NSUN7: variants seen among roughly 807,000 people sequenced by gnomAD.
The protein encoded by NSUN7 is NOP2/Sun RNA methyltransferase family member 7.
In NSUN7, 39 loss-of-function variants were observed where a neutral mutation model predicts 58.5. That is an observed-to-expected ratio of 0.67 (90% CI 0.52 to 0.87). The LOEUF (loss-of-function observed/expected upper bound fraction) is 0.87, where lower values mean the gene tolerates loss of function less well. NSUN7 is among the 40% of genes least tolerant of loss of function. The pLI, the probability that NSUN7 is intolerant of heterozygous loss-of-function variation, is 0.00. For missense variants in NSUN7, 765 were observed against 844.1 expected, an observed-to-expected ratio of 0.91 and a Z score of 1.16; for synonymous variants, 278 against 303.7, an observed-to-expected ratio of 0.92 and a Z score of 0.88.
At chr4:40,750,532 C>T (rs1041655143) in intron 1 of NSUN7, 71 bp from the exon 2 acceptor site, 3 of 764,890 alleles carry the variant, frequency 3.9e-6, no homozygotes, top group South Asian at 1.9e-5. Flanking sequence ...TTTAAGGCCA[C>T]AACGAAGGGG....
intron 4 of NSUN7, among the ~76,000 whole-genome samples, chr4:40,766,971 CT>C (rs1317098916): frequency 5.3e-5 from 8 of 150,536 alleles, no homozygotes; most frequent in Non-Finnish European, 8.9e-5. Flanking sequence ...ATTCTTCTCT[CT>C]TTTTTTCTTT....
intron 10 of NSUN7, among the ~76,000 whole-genome samples, chr4:40,804,096 T>C (rs1348669002): frequency 6.6e-6 from 1 of 152,222 alleles, no homozygotes; most frequent in Non-Finnish European, 1.5e-5. Flanking sequence ...ATTCTATCCG[T>C]TGATTTATAT....
chr4:40,765,071 G>C (rs1489025126), intron 4 of NSUN7, among the ~76,000 whole-genome samples: 5 of 146,724 alleles, frequency 3.4e-5, no homozygotes, highest in African/African-American at 1.3e-4. Context: ...CTGTGCAGAA[G>C]CTCTTTAGTT....
intron 4 of NSUN7, among the ~76,000 whole-genome samples, chr4:40,772,674 T>C (rs1742068595): frequency 6.6e-6 from 1 of 152,124 alleles, no homozygotes; most frequent in African/African-American, 2.4e-5. Context: ...GAAGTAGGGA[T>C]TTAACAGTTG....
At chr4:40,761,062 G>T in intron 3 of NSUN7, 109 bp from the exon 4 acceptor site, 1 of 828,946 alleles carries the variant, frequency 1.2e-6, no homozygotes, top group East Asian at 2.9e-5. Flanking sequence ...TGTAAAAATA[G>T]TCGTATTCCT....
chr4:40,807,154 T>C lies in NSUN7; in HGVS notation c.1494T>C (p.Asn498=). Residue 498 remains asparagine, a synonymous_variant, in exon 11 of 12, where the codon AAT becomes AAC. Coordinates refer to ENST00000381782, the MANE Select transcript of NSUN7 (RefSeq NM_024677.6). ...FFRMEPSEIT[N]GCFLSILTRE... is the part of the protein sequence containing the mutation. Reference sequence around the variant, plus strand: ...GAATGGAACCATCTGAAATTACCAATGGTTGTTTTCTTTCTATTTTAACAA... The same window carrying C: ...GAATGGAACCATCTGAAATTACCAACGGTTGTTTTCTTTCTATTTTAACAA... 6.5e-7 allele frequency: 1 copy of C among 1,550,178 alleles called. No homozygotes were observed. Among genetic ancestry groups the C allele is most frequent in the Non-Finnish European group, 8.7e-7 (1 of 1,146,498 alleles).
chr4:40,764,050 T>TTTTTTTAA (rs1183522000), intron 4 of NSUN7, among the ~76,000 whole-genome samples: 3 of 151,638 alleles, frequency 2.0e-5, no homozygotes, highest in African/African-American at 4.9e-5. Flanking sequence ...TCTTCTTTGT[T>TTTTTTTAA]TTTTTTAATT....
At chr4:40,772,289 G>T (rs891248057) in intron 4 of NSUN7, among the ~76,000 whole-genome samples, 2 of 151,986 alleles carry the variant, frequency 1.3e-5, no homozygotes, top group Admixed American at 6.6e-5. Flanking sequence ...AACTAAGTAG[G>T]TATTTGCAAG....
Position 40,807,064 on chromosome 4 carries a change from T to G in NSUN7, c.1404T>G (p.Leu468=). 1 of 1,551,598 alleles carries G rather than the reference T, an allele frequency of 6.4e-7. No homozygotes were observed. Among genetic ancestry groups the G allele is most frequent in the Admixed American group, 2.0e-5 (1 of 50,886 alleles). Residue 468 remains leucine, a synonymous_variant, in exon 11 of 12, where the codon CTT becomes CTG. Coordinates refer to ENST00000381782, the MANE Select transcript of NSUN7 (RefSeq NM_024677.6). ...TGCTTGTTCCTGTCTGCTGCAGGCT[T>G]AGTCCTCCTGTTCTTCCACTGTGCT... ...DLGNKGQPYR[L]SPPVLPLCSL...
At chr4:40,770,273 A>G (rs1225939002) in intron 4 of NSUN7, among the ~76,000 whole-genome samples, 1 of 151,902 alleles carries the variant, frequency 6.6e-6, no homozygotes, top group Non-Finnish European at 1.5e-5. Flanking sequence ...ATACATTCTG[A>G]GAAATGTGTC....
chr4:40,772,640 A>G (rs1481758281), intron 4 of NSUN7, among the ~76,000 whole-genome samples: 1 of 152,226 alleles, frequency 6.6e-6, no homozygotes, highest in East Asian at 1.9e-4. Flanking sequence ...ATGTAGAATA[A>G]GGACACTGCA....
rs190617197 is a variant in NSUN7 at position 40,792,489 on chromosome 4, C to T, written c.1180+1744C>T. On this transcript the variant is annotated intron_variant, in intron 8 of 11. Transcript: ENST00000381782. ...TATACTGGCCGGGAGCGGTGGCTCA[C>T]GCCTGTAATCCCAGCACTTTGGGAG... is the stretch of plus-strand genomic sequence containing the variant. Among the ~76,000 whole-genome samples the T allele has an allele frequency of 7.9e-4, 120 of 152,270 alleles. 1 individual carries two copies. In the East Asian group the frequency reaches 0.021, roughly 26 times the overall value.
In NSUN7 at chr4:40,760,479, C is replaced by A; in HGVS notation, c.344C>A (p.Pro115Gln). The change falls in exon 3 of 12, where the codon CCA (proline) becomes CAA (glutamine). Residue 115 changes from proline to glutamine, a missense_variant. Pro to Gln is a moderately conservative substitution (Grantham distance 76). Transcript: ENST00000381782. ...ETILIDSCIF[P>Q]STTIPDHLSS... ...ATATTGATAGACAGCTGTATCTTCCCAAGTACCACAATAGTAAGTAGATAA... is the reference window on the plus strand; with the variant it reads ...ATATTGATAGACAGCTGTATCTTCCAAAGTACCACAATAGTAAGTAGATAA... 1 of 1,602,096 alleles carries A rather than the reference C, an allele frequency of 6.2e-7. No homozygotes were observed. Among genetic ancestry groups the A allele is most frequent in the South Asian group, 1.1e-5 (1 of 89,986 alleles).
Position 40,809,839 on chromosome 4 carries a change from C to G in NSUN7, c.*900C>G, listed in dbSNP as rs960378468. The G allele has an allele frequency of 7.9e-5, 12 of 152,148 alleles. No individual in the cohort carries two copies. The highest frequency in any genetic ancestry group is 2.9e-4 in the African/African-American group (12 of 41,432). The allele number at this position is 152,148 out of a possible 1,614,324, so 9.4% of individuals were successfully genotyped here. On this transcript the variant is annotated 3_prime_UTR_variant, in exon 12 of 12. Transcript: ENST00000381782. Reference sequence around the variant, plus strand: ...TGAGGCACAATTAAATATATTGTAGCACTATGTTAATTAATTATATTAAAT... The same window carrying G: ...TGAGGCACAATTAAATATATTGTAGGACTATGTTAATTAATTATATTAAAT...
intron 4 of NSUN7, among the ~76,000 whole-genome samples, chr4:40,766,293 G>C (rs1469034487): frequency 3.1e-4 from 3 of 9,612 alleles, no homozygotes; most frequent in East Asian, 1.6e-3. Context: ...TAGCATGAAG[G>C]GTTGTTGAAT....
intron 7 of NSUN7, among the ~76,000 whole-genome samples, chr4:40,790,084 T>TTTTG (rs1743012238): frequency 8.0e-6 from 1 of 124,242 alleles, no homozygotes; most frequent in African/African-American, 3.0e-5. Context: ...TTTTTTTTTC[T>TTTTG]GGAGAGAAGA....
In NSUN7 at chr4:40,771,952, A is replaced by G. The variant is rs1461156158; in HGVS notation, c.489-2313A>G. 4.6e-5 allele frequency among the ~76,000 whole-genome samples: 7 copies of G among 152,016 alleles called. No individual in the cohort carries two copies. The East Asian group carries it at 1.4e-3, about 29-fold the overall frequency. On this transcript the variant is annotated intron_variant, in intron 4 of 11. Transcript: ENST00000381782. ...CCTCCTTATTTAAAGCTATGGAAGA[A>G]GCTTTTTTTAGTAACCACAAGATAG...
intron 7 of NSUN7, among the ~76,000 whole-genome samples, chr4:40,777,015 A>G (rs910626326): frequency 7.2e-5 from 11 of 152,240 alleles, no homozygotes; most frequent in African/African-American, 2.7e-4. Context: ...CGAGGCTGAA[A>G]AACTAAGCAA....
intron 4 of NSUN7, among the ~76,000 whole-genome samples, chr4:40,765,989 A>G (rs1157401106): frequency 3.3e-5 from 5 of 152,270 alleles, no homozygotes; most frequent in African/African-American, 9.6e-5. Context: ...GGGCTGAGAC[A>G]ATGGGGTTTC....
Sources: allele counts gnomAD v4.1 joint callset (sites outside exome capture counted in the v4.1 genomes callset), GRCh38; gene constraint gnomAD v4.1.1; transcripts MANE v1.5; gene names NCBI Gene and HGNC (gene_info 2026-07-23, HGNC 2026-07-21).